ABTB3: variants seen among roughly 807,000 people sequenced by gnomAD.
ABTB3 encodes the protein ankyrin repeat- and BTB/POZ domain-containing protein 3.
the ABTB3 span, among the ~76,000 whole-genome samples, chr12:107,454,702 C>T: frequency 2.0e-5 from 3 of 152,296 alleles, no homozygotes; most frequent in South Asian, 6.2e-4. Context: ...TGGGCAGCAG[C>T]AGGAGGTCTC....
the ABTB3 span, among the ~76,000 whole-genome samples, chr12:107,488,824 A>G: frequency 6.6e-6 from 1 of 152,128 alleles, no homozygotes; most frequent in Non-Finnish European, 1.5e-5. Context: ...AAGAGGAGAG[A>G]AAAGCTCAAA....
chr12:107,578,383 C>CTTTTTTT, the ABTB3 span, among the ~76,000 whole-genome samples: 242 of 57,192 alleles, frequency 4.2e-3, 1 homozygote, highest in East Asian at 9.6e-3. Flanking sequence ...CTTTCTTCTT[C>CTTTTTTT]TTTTTTTTTT....
At chr12:107,563,760 G>A in the ABTB3 span, among the ~76,000 whole-genome samples, 1 of 152,098 alleles carries the variant, frequency 6.6e-6, no homozygotes. Context: ...AAAGAGAAAG[G>A]AAACAAGAGC....
the ABTB3 span, among the ~76,000 whole-genome samples, chr12:107,552,019 T>C: frequency 6.6e-6 from 1 of 152,232 alleles, no homozygotes; most frequent in East Asian, 1.9e-4. Flanking sequence ...CCCAAAGTGC[T>C]GGGATTACAG....
chr12:107,336,301 T>A, the ABTB3 span, among the ~76,000 whole-genome samples: 1 of 152,344 alleles, frequency 6.6e-6, no homozygotes, highest in South Asian at 2.1e-4. Context: ...CTTTGGGATA[T>A]TGTGACTTGT....
At chr12:107,628,237 T>G in the ABTB3 span, among the ~76,000 whole-genome samples, 4 of 152,176 alleles carry the variant, frequency 2.6e-5, no homozygotes, top group African/African-American at 9.7e-5. Context: ...GCCTTCCAGG[T>G]TCAAGCGACT....
chr12:107,342,693 A>G, the ABTB3 span, among the ~76,000 whole-genome samples: 2 of 152,086 alleles, frequency 1.3e-5, no homozygotes, highest in South Asian at 2.1e-4. Context: ...CAGAGCATCC[A>G]TTCTCTCCAT....
the ABTB3 span, among the ~76,000 whole-genome samples, chr12:107,551,559 C>A: frequency 6.6e-6 from 1 of 152,172 alleles, no homozygotes; most frequent in Non-Finnish European, 1.5e-5. Context: ...ATAAATCTGG[C>A]CCACTGTCTG....
the ABTB3 span, among the ~76,000 whole-genome samples, chr12:107,550,054 G>A: frequency 6.6e-6 from 1 of 152,176 alleles, no homozygotes; most frequent in Non-Finnish European, 1.5e-5. Flanking sequence ...AAGAATATCT[G>A]ATACTGTCCT....
At chr12:107,401,447 C>A in the ABTB3 span, among the ~76,000 whole-genome samples, 1 of 152,114 alleles carries the variant, frequency 6.6e-6, no homozygotes, top group Non-Finnish European at 1.5e-5. Flanking sequence ...TCCCAAGTGG[C>A]GGGATGGGGG....
the ABTB3 span, chr12:107,640,565 TAA>T: frequency 1.9e-6 from 1 of 532,950 alleles, no homozygotes; most frequent in Non-Finnish European, 3.3e-6. Context: ...GCTGCTAGCA[TAA>T]ACAACCTAGA....
chr12:107,409,307 G>T, the ABTB3 span, among the ~76,000 whole-genome samples: 1 of 152,222 alleles, frequency 6.6e-6, no homozygotes, highest in African/African-American at 2.4e-5. Flanking sequence ...CTCTCCTGTG[G>T]AGAAATAGGA....
At chr12:107,404,344 A>G in the ABTB3 span, among the ~76,000 whole-genome samples, 31 of 152,264 alleles carry the variant, frequency 2.0e-4, no homozygotes, top group African/African-American at 7.0e-4. Context: ...CTTCCACAGC[A>G]AAATCTCTGC....
the ABTB3 span, among the ~76,000 whole-genome samples, chr12:107,393,338 T>TG: frequency 5.6e-5 from 1 of 17,832 alleles, no homozygotes; most frequent in East Asian, 3.1e-3. Context: ...TCAGGCAGGG[T>TG]GGGGGTGGGG....
At chr12:107,344,159 A>G in the ABTB3 span, among the ~76,000 whole-genome samples, 1 of 152,192 alleles carries the variant, frequency 6.6e-6, no homozygotes, top group Non-Finnish European at 1.5e-5. Flanking sequence ...ATGAAGAGTG[A>G]CAAAGGGTAG....
the ABTB3 span, among the ~76,000 whole-genome samples, chr12:107,493,522 G>A: frequency 2.6e-5 from 4 of 152,270 alleles, no homozygotes; most frequent in African/African-American, 4.8e-5. Flanking sequence ...AAAGGGCCTG[G>A]CATTTCTTGA....
At chr12:107,433,164 C>T in the ABTB3 span, among the ~76,000 whole-genome samples, 1 of 151,270 alleles carries the variant, frequency 6.6e-6, no homozygotes, top group South Asian at 2.1e-4. Context: ...GTGGCGGGCG[C>T]CTGTAGTCCC....
At chr12:107,517,922 AAAAC>A in the ABTB3 span, among the ~76,000 whole-genome samples, 9 of 152,262 alleles carry the variant, frequency 5.9e-5, no homozygotes, top group Non-Finnish European at 1.3e-4. Flanking sequence ...TTACAAGAAA[AAAAC>A]AAACAACTCC....
chr12:107,519,091 C>A, the ABTB3 span, among the ~76,000 whole-genome samples: 1 of 152,238 alleles, frequency 6.6e-6, no homozygotes, highest in East Asian at 1.9e-4. Context: ...TGTTAGTTTT[C>A]ACCACAATAA....
Sources: allele counts gnomAD v4.1 joint callset (sites outside exome capture counted in the v4.1 genomes callset), GRCh38; gene constraint gnomAD v4.1.1; transcripts MANE v1.5; gene names NCBI Gene and HGNC (gene_info 2026-07-23, HGNC 2026-07-21).